The following IQGAP2 variants were observed in gnomAD, a reference collection of about 807,000 sequenced individuals.
IQGAP2 encodes the protein ras GTPase-activating-like protein IQGAP2.
Under a neutral mutation model 201.3 loss-of-function variants are expected in IQGAP2, and 173 were observed. The observed-to-expected ratio is 0.86, with a 90% CI of 0.76 to 0.98. IQGAP2 has a LOEUF of 0.98. IQGAP2 is among the 50% of genes least tolerant of loss of function. The pLI, the probability that IQGAP2 is intolerant of heterozygous loss-of-function variation, is 0.00. For synonymous variants in IQGAP2, 675 were observed against 673.9 expected, an observed-to-expected ratio of 1.00 and a Z score of -0.03; for missense variants, 1,687 against 1,864.8, an observed-to-expected ratio of 0.90 and a Z score of 1.76.
At chr5:76,520,481 A>G (rs1323177413) in intron 2 of IQGAP2, among the ~76,000 whole-genome samples, 2 of 152,106 alleles carry the variant, frequency 1.3e-5, no homozygotes, top group Non-Finnish European at 2.9e-5. Context: ...AAGTCTTAAA[A>G]CTGGGTAGTA....
At chr5:76,636,508 C>T (rs1751139828) in intron 15 of IQGAP2, among the ~76,000 whole-genome samples, 2 of 152,124 alleles carry the variant, frequency 1.3e-5, no homozygotes, top group African/African-American at 4.8e-5. Flanking sequence ...CTTTAGTTGA[C>T]CTTTGTGTTG....
rs1328181487 is a variant in IQGAP2 at position 76,606,194 on chromosome 5, ACTCT to A, written c.1251_1254del (p.Ser418LeufsTer3). On this transcript the variant is annotated frameshift_variant, in exon 12 of 36. Coordinates refer to ENST00000274364, the MANE Select transcript of IQGAP2 (RefSeq NM_006633.5). LOFTEE classifies it high-confidence loss of function. ...TCTTCCACAGTTATGCAAACACACT[ACTCT>A]CTGTTAAACTAGAAGTTTTATCCCA... is the stretch of plus-strand genomic sequence containing the variant. The A allele has an allele frequency of 6.2e-7, 1 of 1,601,740 alleles. No homozygotes were observed. The highest frequency in any genetic ancestry group is 8.5e-7 in the Non-Finnish European group (1 of 1,173,714).
chr5:76,421,511 G>A (rs928597925), intron 1 of IQGAP2, among the ~76,000 whole-genome samples: 2 of 152,076 alleles, frequency 1.3e-5, no homozygotes, highest in African/African-American at 4.8e-5. Context: ...CAGCTACTTG[G>A]GAAGCTGAGA....
chr5:76,593,553 T>G (rs1176259321), intron 9 of IQGAP2, among the ~76,000 whole-genome samples: 1 of 152,200 alleles, frequency 6.6e-6, no homozygotes, highest in African/African-American at 2.4e-5. Context: ...AATAAGCGTA[T>G]GCAGGTTGAG....
rs548538473 is a variant in IQGAP2 at position 76,540,326 on chromosome 5, T to A, written c.147-22070T>A. ...GAAAAAGGAAACCACTGGGAGGGTA[T>A]GAGTGAAATGGCTAGCTCTTTTTGG... On this transcript the variant is annotated intron_variant, in intron 2 of 35. Coordinates refer to ENST00000274364, the MANE Select transcript of IQGAP2 (RefSeq NM_006633.5). Among the ~76,000 whole-genome samples, 163 of 152,258 alleles carry A rather than the reference T, an allele frequency of 1.1e-3. 1 individual carries two copies. The highest frequency in any genetic ancestry group is 3.8e-3 in the African/African-American group (160 of 41,560).
chr5:76,642,776 C>T (rs2150406608), intron 17 of IQGAP2, among the ~76,000 whole-genome samples: 1 of 152,304 alleles, frequency 6.6e-6, no homozygotes. Flanking sequence ...AAAGGCAAAA[C>T]TCCTAGGCCG....
intron 1 of IQGAP2, among the ~76,000 whole-genome samples, chr5:76,418,943 G>A (rs1751565908): frequency 6.6e-6 from 1 of 152,004 alleles, no homozygotes; most frequent in South Asian, 2.1e-4. Context: ...TATTATCCAC[G>A]CCCTTGACTA....
At chr5:76,477,741 A>G (rs1207595795) in intron 2 of IQGAP2, among the ~76,000 whole-genome samples, 7 of 152,246 alleles carry the variant, frequency 4.6e-5, no homozygotes, top group Non-Finnish European at 8.8e-5. Context: ...CATAGGAGAT[A>G]ACAGCTCCAT....
chr5:76,641,241 G>C (rs1170576597), intron 17 of IQGAP2, 138 bp downstream of exon 17: 23 of 617,388 alleles, frequency 3.7e-5, no homozygotes, highest in Non-Finnish European at 6.0e-5. Context: ...AGTGCCCCTA[G>C]TCTACTTCAC....
intron 2 of IQGAP2, among the ~76,000 whole-genome samples, chr5:76,479,986 A>G (rs1210850410): frequency 6.6e-6 from 1 of 152,110 alleles, no homozygotes; most frequent in Non-Finnish European, 1.5e-5. Flanking sequence ...CAAAGAACAA[A>G]GGAGAAGTTG....
intron 1 of IQGAP2, among the ~76,000 whole-genome samples, chr5:76,441,044 A>G (rs377348920): frequency 2.2e-4 from 34 of 151,690 alleles, no homozygotes; most frequent in African/African-American, 8.2e-4. Context: ...AAAAAAAAAA[A>G]AAGGAGTAGG....
intron 35 of IQGAP2, among the ~76,000 whole-genome samples, chr5:76,703,882 A>C (rs1172385142): frequency 6.6e-6 from 1 of 152,174 alleles, no homozygotes; most frequent in Non-Finnish European, 1.5e-5. Flanking sequence ...GAGTGATGTG[A>C]ATTCTGGCCT....
chr5:76,612,729 T>C (rs770836344), intron 13 of IQGAP2, among the ~76,000 whole-genome samples: 5 of 151,962 alleles, frequency 3.3e-5, no homozygotes, highest in Non-Finnish European at 2.9e-5. Context: ...AGATGGAATA[T>C]AGATAGGCTT....
At chr5:76,699,605 T>TTCTCTCTCTCTCTCTCTCTC (rs757841586) in intron 33 of IQGAP2, 1 of 49,496 alleles carries the variant, frequency 2.0e-5, no homozygotes, top group Non-Finnish European at 3.8e-5. Context: ...TTCTCTCTGT[T>TTCTCTCTCTCTCTCTCTCTC]TCTCTCTCTC....
intron 35 of IQGAP2, 135 bp downstream of exon 35, chr5:76,702,725 G>T: frequency 2.5e-6 from 1 of 393,894 alleles, no homozygotes; most frequent in African/African-American, 2.1e-5. Context: ...GCCAATATTT[G>T]TTAAGTGTTG....
chr5:76,647,164 C>G (rs549959728), intron 17 of IQGAP2, among the ~76,000 whole-genome samples: 1 of 152,044 alleles, frequency 6.6e-6, no homozygotes, highest in Non-Finnish European at 1.5e-5. Flanking sequence ...CCTATTCTTC[C>G]GTAAATACAA....
Position 76,528,493 on chromosome 5 carries a change from C to G in IQGAP2, c.147-33903C>G, listed in dbSNP as rs1580386596. On this transcript the variant is annotated intron_variant, in intron 2 of 35. Transcript: ENST00000274364. ...GGAGATGGACCCTTGATGGGGTCAACCAGCATCAAGTGTGCCTCTTTTACA... is the reference window on the plus strand; with the variant it reads ...GGAGATGGACCCTTGATGGGGTCAAGCAGCATCAAGTGTGCCTCTTTTACA... Among the ~76,000 whole-genome samples the G allele has an allele frequency of 2.6e-5, 4 of 152,274 alleles. No homozygotes were observed. The South Asian group carries it at 8.3e-4, about 32-fold the overall frequency.
rs772121528 is a variant in IQGAP2, at chr5:76,611,152, T to A, written c.1490T>A (p.Val497Asp). Residue 497 changes from valine to aspartate, a missense_variant, in exon 13 of 36, where the codon GTT becomes GAT. Coordinates refer to ENST00000274364, the MANE Select transcript of IQGAP2 (RefSeq NM_006633.5). ...DPAHAQHYQD[V>D]LYHAKSQKLG... ...GCCCATGCCCAGCACTACCAGGATG[T>A]TTTATACCATGCTAAATCACAGAAA... 1 of 1,612,482 alleles carries A rather than the reference T, an allele frequency of 6.2e-7. No homozygotes were observed. The highest frequency in any genetic ancestry group is 1.1e-5 in the South Asian group (1 of 90,702).
At chr5:76,632,325 T>C (rs1750778679) in intron 15 of IQGAP2, among the ~76,000 whole-genome samples, 1 of 152,222 alleles carries the variant, frequency 6.6e-6, no homozygotes, top group African/African-American at 2.4e-5. Flanking sequence ...ACCAGTGATA[T>C]AAACAGATGT....
Sources: allele counts gnomAD v4.1 joint callset (sites outside exome capture counted in the v4.1 genomes callset), GRCh38; gene constraint gnomAD v4.1.1; transcripts MANE v1.5; gene names NCBI Gene and HGNC (gene_info 2026-07-23, HGNC 2026-07-21).